The following NRCAM variants were observed in gnomAD, a reference collection of about 807,000 sequenced individuals.
The protein encoded by NRCAM is neuronal cell adhesion molecule.
A neutral mutation model predicts 156.5 loss-of-function variants in NRCAM; 83 were observed. The observed-to-expected ratio is 0.53, with a 90% CI of 0.44 to 0.64. NRCAM has a LOEUF of 0.64. Among genes scored for constraint, NRCAM ranks in the 30% least tolerant of loss-of-function variants. NRCAM has a pLI of 0.00. For synonymous variants in NRCAM, 538 were observed against 563.9 expected (o/e 0.95, Z 0.65); for missense variants, 1,417 against 1,597.3 (o/e 0.89, Z 1.92).
intron 7 of NRCAM, among the ~76,000 whole-genome samples, chr7:108,231,398 T>A (rs188968907): frequency 1.4e-3 from 211 of 152,340 alleles, no homozygotes; most frequent in Non-Finnish European, 2.2e-3. Context: ...GCTGAGAATT[T>A]ATACTACATA....
intron 3 of NRCAM, among the ~76,000 whole-genome samples, chr7:108,258,226 C>T (rs181005300): frequency 1.3e-5 from 2 of 152,326 alleles, no homozygotes; most frequent in Admixed American, 6.5e-5. Context: ...TGGCTGAAAG[C>T]CCGCTAAAAT....
chr7:108,390,085 G>A (rs975133068), intron 2 of NRCAM, among the ~76,000 whole-genome samples: 12 of 152,028 alleles, frequency 7.9e-5, no homozygotes, highest in African/African-American at 2.4e-4. Context: ...GACTTAGGGA[G>A]GATTCCCTTT....
chr7:108,160,754 C>T (rs920907984), intron 30 of NRCAM, among the ~76,000 whole-genome samples: 6 of 152,282 alleles, frequency 3.9e-5, no homozygotes, highest in East Asian at 3.9e-4. Context: ...ACACTGTGTT[C>T]ACAGTTATTT....
intron 2 of NRCAM, among the ~76,000 whole-genome samples, chr7:108,346,581 C>T (rs1272845255): frequency 6.6e-6 from 1 of 152,166 alleles, no homozygotes; most frequent in Non-Finnish European, 1.5e-5. Flanking sequence ...TATCCTACCT[C>T]CTACTCTATT....
chr7:108,270,256 G>A (rs2097292318), intron 3 of NRCAM, among the ~76,000 whole-genome samples: 1 of 152,210 alleles, frequency 6.6e-6, no homozygotes, highest in Non-Finnish European at 1.5e-5. Context: ...CCTGGATTCT[G>A]AGTTGGAACT....
At chr7:108,344,667 T>A (rs367664136) in intron 2 of NRCAM, among the ~76,000 whole-genome samples, 1 of 152,202 alleles carries the variant, frequency 6.6e-6, no homozygotes, top group Non-Finnish European at 1.5e-5. Context: ...TTCTGTCCCA[T>A]TAAATACCAA....
intron 25 of NRCAM, 186 bp from the exon 26 acceptor site, chr7:108,178,298 C>G: frequency 1.8e-6 from 1 of 561,464 alleles, no homozygotes; most frequent in African/African-American, 1.9e-5. Flanking sequence ...TCCTTTTTCT[C>G]TCTTGTCATT....
At chr7:108,386,274 C>T (rs2099740625) in intron 2 of NRCAM, among the ~76,000 whole-genome samples, 1 of 152,136 alleles carries the variant, frequency 6.6e-6, no homozygotes. Flanking sequence ...GGAGAAAATG[C>T]AAAGTCCAAT....
At chr7:108,366,168 A>C (rs1432338022) in intron 2 of NRCAM, among the ~76,000 whole-genome samples, 2 of 152,190 alleles carry the variant, frequency 1.3e-5, no homozygotes, top group Admixed American at 6.5e-5. Context: ...CGGACTTCCC[A>C]GCCCCCGGAA....
chr7:108,149,920 G>A lies in NRCAM; in HGVS notation c.3905C>T (p.Ser1302Phe), dbSNP rs777521339. 6.2e-7 allele frequency: 1 copy of A among 1,606,100 alleles called. No individual in the cohort carries two copies. Among genetic ancestry groups the A allele is most frequent in the East Asian group, 2.2e-5 (1 of 44,834 alleles). Reference protein sequence around the residue: ...EAPSPVNAMNSFV With the variant: ...EAPSPVNAMNFFV ...CAAAGAGCTTAAAAATTAAACAAAG[G>A]AATTCATGGCGTTGACAGGAGAAGG... Residue 1302 changes from serine (S) to phenylalanine (F), a missense_variant, in exon 33 of 33, where the codon TCC becomes TTC. Physicochemically the swap from Ser to Phe is radical, Grantham distance 155 (BLOSUM62 -2). Around this residue, in one of 2 missense-constraint regions of NRCAM, gnomAD observed 179 missense variants for 260.9 expected, o/e 0.69. Coordinates refer to ENST00000379028, the MANE Select transcript of NRCAM (RefSeq NM_001037132.4).
chr7:108,300,159 A>ATTTT (rs2098560356), intron 3 of NRCAM, among the ~76,000 whole-genome samples: 2 of 62,818 alleles, frequency 3.2e-5, no homozygotes, highest in African/African-American at 7.1e-5. Context: ...ATTTCTGTTG[A>ATTTT]CTTTTTTTTT....
At chr7:108,456,553 C>T (rs1233785535), upstream of NRCAM, 2 of 152,214 alleles carry the variant, frequency 1.3e-5, no homozygotes, top group African/African-American at 4.8e-5. Context: ...CCCCCGCACT[C>T]CCTGCGGGCG....
At chr7:108,190,374 T>C (rs986914143) in intron 19 of NRCAM, among the ~76,000 whole-genome samples, 1 of 152,202 alleles carries the variant, frequency 6.6e-6, no homozygotes, top group African/African-American at 2.4e-5. Context: ...CTAATGGTGC[T>C]TCTGAGATCC....
intron 2 of NRCAM, among the ~76,000 whole-genome samples, chr7:108,378,632 A>AACACACACAC (rs3077977): frequency 4.3e-5 from 5 of 115,898 alleles, no homozygotes; most frequent in African/African-American, 6.5e-5. Flanking sequence ...AGCAGGATTC[A>AACACACACAC]ACACACACAC....
chr7:108,218,147 C>T (rs1399863163), intron 11 of NRCAM, among the ~76,000 whole-genome samples: 1 of 149,446 alleles, frequency 6.7e-6, no homozygotes, highest in Admixed American at 6.7e-5. Context: ...TTCCTCATGG[C>T]ACAGTCCCTC....
At chr7:108,319,424 C>T (rs559151520) in intron 2 of NRCAM, among the ~76,000 whole-genome samples, 3 of 152,292 alleles carry the variant, frequency 2.0e-5, no homozygotes, top group Non-Finnish European at 2.9e-5. Context: ...TTACTTATCA[C>T]CTCGTTATGC....
In NRCAM at chr7:108,194,171, T is replaced by A. The variant is rs1404225542; in HGVS notation, c.1631A>T (p.Asp544Val). 1.2e-6 allele frequency: 2 copies of A among 1,613,830 alleles called. No individual in the cohort carries two copies. The highest frequency in any genetic ancestry group is 2.7e-5 in the African/African-American group (2 of 74,922). The part of the protein sequence containing the change: ...AKNEVHLEIK[D>V]PTWIVKQPEY... The stretch of plus-strand genomic sequence containing the variant: ...GGGCTGTTTAACGATCCATGTAGGA[T>A]CTGAAATGTAGAGTCATCGTTATCC... Residue 544 changes from aspartate (D) to valine (V), a missense_variant and splice_region_variant, in exon 17 of 33, where the codon GAT becomes GTT. Asp to Val is a radical substitution (Grantham distance 152). Coordinates refer to ENST00000379028, the MANE Select transcript of NRCAM (RefSeq NM_001037132.4).
chr7:108,380,446 T>C (rs2099696069), intron 2 of NRCAM, among the ~76,000 whole-genome samples: 1 of 152,230 alleles, frequency 6.6e-6, no homozygotes, highest in Non-Finnish European at 1.5e-5. Flanking sequence ...GCTGTTTCTA[T>C]AAGTTGTATT....
At chr7:108,409,376 G>A (rs1177180042) in intron 1 of NRCAM, among the ~76,000 whole-genome samples, 1 of 152,110 alleles carries the variant, frequency 6.6e-6, no homozygotes, top group Non-Finnish European at 1.5e-5. Context: ...CCACTCCTAC[G>A]AACAGTCTGT....
Sources: allele counts gnomAD v4.1 joint callset (sites outside exome capture counted in the v4.1 genomes callset), GRCh38; gene constraint gnomAD v4.1.1; regional missense constraint gnomAD v4.1.1; transcripts MANE v1.5; gene names NCBI Gene and HGNC (gene_info 2026-07-23, HGNC 2026-07-21).